CELF3: variants seen among roughly 807,000 people sequenced by gnomAD.
The protein encoded by CELF3 is CAG repeat domain.
A neutral mutation model predicts 59.6 loss-of-function variants in CELF3; 26 were observed. The ratio of observed to expected loss-of-function variants is 0.44; its 90% CI spans 0.32 to 0.61. The LOEUF is 0.61. Ranked by LOEUF, CELF3 falls within the 20% of genes least tolerant of loss-of-function variation. The pLI is 0.06. For missense variants in CELF3, 387 were observed against 627.2 expected, an observed-to-expected ratio of 0.62 and a Z score of 4.09; for synonymous variants, 245 against 250.7, an observed-to-expected ratio of 0.98 and a Z score of 0.22.
Position 151,703,394 on chromosome 1 carries a change from G to C in CELF3, c.*65C>G. 2.5e-6 allele frequency: 1 copy of C among 396,200 alleles called. No homozygotes were observed. Among genetic ancestry groups the C allele is most frequent in the Non-Finnish European group, 5.1e-6 (1 of 196,676 alleles). 24.5% of individuals were successfully genotyped at this position (396,200 alleles called of 1,614,324 possible). On this transcript the variant is annotated 3_prime_UTR_variant, in exon 13 of 13. Coordinates refer to ENST00000290583, the MANE Select transcript of CELF3 (RefSeq NM_007185.7). ...CCAGGGCAGGTGTGCGGAGAGGGCC[G>C]GGGCCAGTCGTGGGAAGAGGGTGTG...
chr1:151,709,100 G>A lies in CELF3; in HGVS notation c.407-23C>T, dbSNP rs1323840568. On this transcript the variant is annotated intron_variant, in intron 4 of 12. Coordinates refer to ENST00000290583, the MANE Select transcript of CELF3 (RefSeq NM_007185.7). The surrounding 1 kb of genome is among the most constrained non-coding windows in gnomAD (Gnocchi z 4.9). ...AGCCTGGAGAGGTTGAGATGGAGGA[G>A]GAGAGGGGTAAGCACCCATCCCTGC... 3 of 1,612,644 alleles carry A rather than the reference G, an allele frequency of 1.9e-6. No homozygotes were observed. The highest frequency in any genetic ancestry group is 1.3e-5 in the African/African-American group (1 of 74,892).
At position 151,707,164 on chromosome 1, in the gene CELF3, G is replaced by A. The variant is rs1233807187; in HGVS notation, c.903C>T (p.Asn301=). 3.0e-5 allele frequency: 45 copies of A among 1,519,092 alleles called. No homozygotes were observed. Among genetic ancestry groups the A allele is most frequent in the East Asian group, 9.6e-5 (4 of 41,718 alleles). 94.1% of individuals were successfully genotyped at this position (1,519,092 alleles called of 1,614,324 possible). The part of the protein sequence containing the change: ...GQPAPDALYP[N]GVHPYPAQSP... ...TCCCACCTGGGTAGGGGTGAACCCC[G>A]TTGGGATACAGAGCATCAGGGGCAG... The change falls in exon 8 of 13, where the codon AAC becomes AAT. Residue 301 remains asparagine (N), a synonymous_variant. Transcript: ENST00000290583.
In CELF3 at chr1:151,703,143, A is replaced by C; in HGVS notation, c.*316T>G. 1 of 460,528 alleles carries C rather than the reference A, an allele frequency of 2.2e-6. No homozygotes were observed. The highest frequency in any genetic ancestry group is 4.4e-6 in the Non-Finnish European group (1 of 229,350). 28.5% of individuals were successfully genotyped at this position (460,528 alleles called of 1,614,324 possible). ...GGGGAGGCAAGTACAAACGCTGGGTACAGAAGGCCTGTCACAGGAGCCCAG... is the reference window on the plus strand; with the variant it reads ...GGGGAGGCAAGTACAAACGCTGGGTCCAGAAGGCCTGTCACAGGAGCCCAG... On this transcript the variant is annotated 3_prime_UTR_variant, in exon 13 of 13. Transcript: ENST00000290583.
In CELF3 at chr1:151,702,042, ATGG is replaced by A. The variant is rs958788591; in HGVS notation, c.*1414_*1416del. 6.6e-6 allele frequency among the ~76,000 whole-genome samples: 1 copy of A among 152,258 alleles called. No homozygotes were observed. Among genetic ancestry groups the A allele is most frequent in the African/African-American group, 2.4e-5 (1 of 41,466 alleles). ...TCACATATGGAGCAGTGGTTAGTAA[ATGG>A]TGGTGTCACAACTGGCTCCCAGTAT... On this transcript the variant is annotated 3_prime_UTR_variant, in exon 13 of 13. Transcript: ENST00000290583.
At chr1:151,704,699 GAC>G (rs1672361517) in intron 12 of CELF3, among the ~76,000 whole-genome samples, 1 of 152,130 alleles carries the variant, frequency 6.6e-6, no homozygotes, top group African/African-American at 2.4e-5. Flanking sequence ...ACCAGAAAGA[GAC>G]ACACACAGAC....
At position 151,700,802 on chromosome 1, in the gene CELF3, A is replaced by C. The variant is rs758564946; in HGVS notation, c.*2657T>G. Among the ~76,000 whole-genome samples the C allele has an allele frequency of 6.6e-6, 1 of 152,252 alleles. No homozygotes were observed. Among genetic ancestry groups the C allele is most frequent in the Non-Finnish European group, 1.5e-5 (1 of 68,044 alleles). On this transcript the variant is annotated 3_prime_UTR_variant, in exon 13 of 13. Transcript: ENST00000290583. ...CTTGAGGTTTTCTGTCTATGTGACT[A>C]GAAAATAGAAATATATGAGTCAGGA...
Position 151,701,551 on chromosome 1 carries a change from C to T in CELF3, c.*1908G>A, listed in dbSNP as rs1056047995. On this transcript the variant is annotated 3_prime_UTR_variant, in exon 13 of 13. Coordinates refer to ENST00000290583, the MANE Select transcript of CELF3 (RefSeq NM_007185.7). ...ACTGGGTTCAACTCCTACAGCCATG[C>T]CTTACTGGCTTTGTGACTCCAGGGA... is the stretch of plus-strand genomic sequence containing the variant. Among the ~76,000 whole-genome samples the T allele has an allele frequency of 6.6e-6, 1 of 152,162 alleles. No homozygotes were observed. Among genetic ancestry groups the T allele is most frequent in the African/African-American group, 2.4e-5 (1 of 41,426 alleles).
intron 12 of CELF3, among the ~76,000 whole-genome samples, chr1:151,704,806 A>AGG (rs766568799): frequency 1.5e-5 from 2 of 131,768 alleles, no homozygotes; most frequent in Non-Finnish European, 3.1e-5. Context: ...GGGGTCACGG[A>AGG]GGGTGTGTGT....
Position 151,703,443 on chromosome 1 carries a change from C to G in CELF3, c.*16G>C, listed in dbSNP as rs1672238160. ...TGAGGCGCCCCTTCCTCTGGGATCTCCAGACCTGTGAAGGAAGAAACATGG... is the reference window on the plus strand; with the variant it reads ...TGAGGCGCCCCTTCCTCTGGGATCTGCAGACCTGTGAAGGAAGAAACATGG... On this transcript the variant is annotated 3_prime_UTR_variant, in exon 13 of 13. Coordinates refer to ENST00000290583, the MANE Select transcript of CELF3 (RefSeq NM_007185.7). 1 of 354,602 alleles carries G rather than the reference C, an allele frequency of 2.8e-6. No individual in the cohort carries two copies. The highest frequency in any genetic ancestry group is 2.1e-5 in the African/African-American group (1 of 46,664). The allele number at this position is 354,602 out of a possible 1,614,324, so 22.0% of individuals were successfully genotyped here.
In CELF3 at chr1:151,709,401, C is replaced by T. The variant is rs1672832827; in HGVS notation, c.278-53G>A. The T allele has an allele frequency of 6.2e-6, 10 of 1,610,786 alleles. No individual in the cohort carries two copies. Among genetic ancestry groups the T allele is most frequent in the Non-Finnish European group, 8.5e-6 (10 of 1,178,016 alleles). On this transcript the variant is annotated intron_variant, in intron 3 of 12. Transcript: ENST00000290583. The surrounding 1 kb of genome is among the most constrained non-coding windows in gnomAD (Gnocchi z 4.9). The stretch of plus-strand genomic sequence containing the variant: ...ATGTTCAGGGCCTCCTGGCTGCCTT[C>T]CCAGCCCTTCTTCCGCCCTTCCCTG...
chr1:151,706,118 G>C (rs959539756), intron 10 of CELF3, 106 bp downstream of exon 10: 1 of 1,601,282 alleles, frequency 6.2e-7, no homozygotes, highest in Non-Finnish European at 8.5e-7. Flanking sequence ...CTCCCCACTT[G>C]CTTTCATCCT....
Position 151,703,311 on chromosome 1 carries a change from G to A in CELF3, c.*148C>T, listed in dbSNP as rs552189029. 1.7e-4 allele frequency: 79 copies of A among 455,206 alleles called. No homozygotes were observed. The highest frequency in any genetic ancestry group is 3.0e-4 in the Non-Finnish European group (69 of 226,238). The allele number at this position is 455,206 out of a possible 1,614,324, so 28.2% of individuals were successfully genotyped here. On this transcript the variant is annotated 3_prime_UTR_variant, in exon 13 of 13. Coordinates refer to ENST00000290583, the MANE Select transcript of CELF3 (RefSeq NM_007185.7). ...GAGAGGCAGGGGGGTGGGAGGGGCC[G>A]GTGTCTTGTGCCCCCGGGGGCCACG...
chr1:151,710,270 C>T (rs2101462454), intron 2 of CELF3: 2 of 239,822 alleles, frequency 8.3e-6, no homozygotes, highest in East Asian at 2.1e-4. Context: ...GTCTGCCTCT[C>T]TTTCTGCCCC....
In CELF3 at chr1:151,700,875, G is replaced by A. The variant is rs553403452; in HGVS notation, c.*2584C>T. 7.5e-4 allele frequency among the ~76,000 whole-genome samples: 115 copies of A among 152,326 alleles called. No homozygotes were observed. The highest frequency in any genetic ancestry group is 2.3e-3 in the African/African-American group (97 of 41,576). On this transcript the variant is annotated 3_prime_UTR_variant, in exon 13 of 13. Coordinates refer to ENST00000290583, the MANE Select transcript of CELF3 (RefSeq NM_007185.7). Reference sequence around the variant, plus strand: ...ATTGGCCCTATGATGATGTAGATATGGATGGGAAGTCCAGTATAGATGTCC... The same window carrying A: ...ATTGGCCCTATGATGATGTAGATATAGATGGGAAGTCCAGTATAGATGTCC...
At position 151,701,349 on chromosome 1, in the gene CELF3, G is replaced by A. The variant is rs1351894539; in HGVS notation, c.*2110C>T. ...AAAGAAGACACCTGTGTGATCCTGA[G>A]CCTGCCCTAAAGCAGCTCACAGAGA... On this transcript the variant is annotated 3_prime_UTR_variant, in exon 13 of 13. Coordinates refer to ENST00000290583, the MANE Select transcript of CELF3 (RefSeq NM_007185.7). Among the ~76,000 whole-genome samples, 1 of 152,134 alleles carries A rather than the reference G, an allele frequency of 6.6e-6. No individual in the cohort carries two copies. The highest frequency in any genetic ancestry group is 1.9e-4 in the East Asian group (1 of 5,186).
In CELF3 at chr1:151,716,753, A is replaced by G. The variant is rs1319700742; in HGVS notation, c.-733T>C. On this transcript the variant is annotated 5_prime_UTR_variant, in exon 1 of 13. Transcript: ENST00000290583. ...GCTGGGGCTGCCTGCTTTCCCGGTC[A>G]CCTGGGTCCCGGAGCTCTGCTCTCC... is the stretch of plus-strand genomic sequence containing the variant. 4.5e-6 allele frequency: 2 copies of G among 447,540 alleles called. No individual in the cohort carries two copies. Among genetic ancestry groups the G allele is most frequent in the African/African-American group, 4.6e-5 (2 of 43,718 alleles). The allele number at this position is 447,540 out of a possible 1,614,324, so 27.7% of individuals were successfully genotyped here.
Position 151,709,455 on chromosome 1 carries a change from T to A in CELF3, c.278-107A>T. ...CTCCTAACACTACTTCTGCTACCCT[T>A]AGGGTCCAATGGCTGTAGGGGCTGA... On this transcript the variant is annotated intron_variant, in intron 3 of 12. Coordinates refer to ENST00000290583, the MANE Select transcript of CELF3 (RefSeq NM_007185.7). The surrounding 1 kb of genome is among the most constrained non-coding windows in gnomAD (Gnocchi z 4.9). 1 of 1,470,308 alleles carries A rather than the reference T, an allele frequency of 6.8e-7. No homozygotes were observed. The highest frequency in any genetic ancestry group is 9.4e-7 in the Non-Finnish European group (1 of 1,065,506). The allele number at this position is 1,470,308 out of a possible 1,614,324, so 91.1% of individuals were successfully genotyped here. A position where few individuals can be genotyped will look rare whatever the true frequency, so the allele number is the denominator to read the frequency against.
chr1:151,700,232 G>T lies in CELF3; in HGVS notation c.*3227C>A, dbSNP rs1202987795. On this transcript the variant is annotated 3_prime_UTR_variant, in exon 13 of 13. Coordinates refer to ENST00000290583, the MANE Select transcript of CELF3 (RefSeq NM_007185.7). The stretch of plus-strand genomic sequence containing the variant: ...TGGCCATGATACACAGCAGTGAAAG[G>T]TTTAAGTGCCATAAGGACTAGAAAA... 1.3e-5 allele frequency among the ~76,000 whole-genome samples: 2 copies of T among 152,144 alleles called. No homozygotes were observed. Among genetic ancestry groups the T allele is most frequent in the Non-Finnish European group, 1.5e-5 (1 of 68,034 alleles).
chr1:151,702,387 C>G lies in CELF3; in HGVS notation c.*1072G>C, dbSNP rs1408137555. The G allele has an allele frequency of 6.6e-6, 1 of 152,180 alleles. No homozygotes were observed. The highest frequency in any genetic ancestry group is 1.5e-5 in the Non-Finnish European group (1 of 68,028). 9.4% of individuals were successfully genotyped at this position (152,180 alleles called of 1,614,324 possible). A position where few individuals can be genotyped will look rare whatever the true frequency, so the allele number is the denominator to read the frequency against. On this transcript the variant is annotated 3_prime_UTR_variant, in exon 13 of 13. Coordinates refer to ENST00000290583, the MANE Select transcript of CELF3 (RefSeq NM_007185.7). ...GGAACAATCCCCTACCCTCAACCTT[C>G]CAAGACTCTTATTTGATGCTTTTAA... is the stretch of plus-strand genomic sequence containing the variant.
Sources: allele counts gnomAD v4.1 joint callset (sites outside exome capture counted in the v4.1 genomes callset), GRCh38; gene constraint gnomAD v4.1.1; non-coding constraint Gnocchi (gnomAD v3.1); transcripts MANE v1.5; gene names NCBI Gene and HGNC (gene_info 2026-07-23, HGNC 2026-07-21).